GLIPR2: variants seen among roughly 807,000 people sequenced by gnomAD.
GLIPR2 encodes GLI pathogenesis related 2, also known as Golgi-associated plant pathogenesis-related protein 1.
In GLIPR2, 21 loss-of-function variants were observed where a neutral mutation model predicts 20.4. The ratio of observed to expected loss-of-function variants is 1.03; its 90% CI spans 0.73 to 1.48. GLIPR2 has a LOEUF of 1.48. Ranked by LOEUF, GLIPR2 falls within the 40% of genes most tolerant of loss-of-function variation. The pLI is 0.00. For synonymous variants in GLIPR2, 91 were observed against 80.5 expected (o/e 1.13, Z -0.70); for missense variants, 205 against 200.1 (o/e 1.02, Z -0.15).
chr9:36,162,292 C>G, intron 4 of GLIPR2, 70 bp from the exon 5 acceptor site: 1 of 1,600,270 alleles, frequency 6.2e-7, no homozygotes, highest in Non-Finnish European at 8.5e-7. Flanking sequence ...TTCAACAATC[C>G]CCTGCCACAT....
chr9:36,160,788 T>C (rs1489508236), intron 4 of GLIPR2, among the ~76,000 whole-genome samples: 1 of 152,192 alleles, frequency 6.6e-6, no homozygotes, highest in African/African-American at 2.4e-5. Flanking sequence ...ACGCCTGTAA[T>C]CTCAGCAGTT....
At chr9:36,145,290 A>T (rs1242845356) in intron 1 of GLIPR2, among the ~76,000 whole-genome samples, 1 of 152,168 alleles carries the variant, frequency 6.6e-6, no homozygotes, top group African/African-American at 2.4e-5. Context: ...CTGTTCAGAT[A>T]TTTCTGGGGC....
In GLIPR2 at chr9:36,149,357, C is replaced by T. The variant is rs1825482322; in HGVS notation, c.226+707C>T. Among the ~76,000 whole-genome samples the T allele has an allele frequency of 2.0e-5, 3 of 152,202 alleles. No individual in the cohort carries two copies. In the South Asian group the frequency reaches 6.2e-4, roughly 31 times the overall value. Reference sequence around the variant, plus strand: ...CCCCAGCCTCACATTCCTGGGAGATCCCCCAAGTCCTCTTGGTTTCCCCAG... The same window carrying T: ...CCCCAGCCTCACATTCCTGGGAGATTCCCCAAGTCCTCTTGGTTTCCCCAG... On this transcript the variant is annotated intron_variant, in intron 3 of 4. Transcript: ENST00000377960.
At chr9:36,139,335 C>T (rs1375077185) in intron 1 of GLIPR2, among the ~76,000 whole-genome samples, 2 of 152,036 alleles carry the variant, frequency 1.3e-5, no homozygotes, top group African/African-American at 4.8e-5. Context: ...ACCCAGGGAC[C>T]TTGCAGAATT....
In GLIPR2 at chr9:36,136,813, C is replaced by T; in HGVS notation, c.13+22C>T. The T allele has an allele frequency of 2.3e-6, 3 of 1,297,048 alleles. No homozygotes were observed. Among genetic ancestry groups the T allele is most frequent in the Non-Finnish European group, 2.9e-6 (3 of 1,025,692 alleles). 80.3% of individuals were successfully genotyped at this position (1,297,048 alleles called of 1,614,324 possible). ...TCAGGTGAGCCCGCGGGCTCGCCCG[C>T]TGCGGAATGGTTCGGAACCCCGCGC... On this transcript the variant is annotated intron_variant, in intron 1 of 4. Coordinates refer to ENST00000377960, the MANE Select transcript of GLIPR2 (RefSeq NM_022343.4). This position sits in a 1 kb window ranked among gnomAD's most constrained non-coding sequence, Gnocchi z 4.3.
chr9:36,162,179 G>GA (rs146193539), intron 4 of GLIPR2, 183 bp from the exon 5 acceptor site: 147,373 of 1,387,614 alleles, frequency 0.11, 6,126 homozygotes, highest in South Asian at 0.2. Context: ...CATCTTGGGG[G>GA]AAAAAAAAAG....
chr9:36,144,643 C>T (rs1301407823), intron 1 of GLIPR2: 1 of 152,490 alleles, frequency 6.6e-6, no homozygotes, highest in African/African-American at 2.4e-5. Context: ...TCCTGGGGTT[C>T]AGAGCCCCCA....
chr9:36,137,641 C>T (rs942633656), intron 1 of GLIPR2, among the ~76,000 whole-genome samples: 7 of 152,192 alleles, frequency 4.6e-5, no homozygotes, highest in Non-Finnish European at 1.5e-5. Context: ...TGTAGTGGGC[C>T]GGGGACAAGA....
chr9:36,143,812 C>G (rs1587132593), intron 1 of GLIPR2, among the ~76,000 whole-genome samples: 1 of 152,150 alleles, frequency 6.6e-6, no homozygotes, highest in East Asian at 1.9e-4. Flanking sequence ...GAGGTAGCTC[C>G]TTTTGGTCGC....
chr9:36,143,895 GC>G (rs1825203935), intron 1 of GLIPR2, among the ~76,000 whole-genome samples: 1 of 152,128 alleles, frequency 6.6e-6, no homozygotes, highest in Admixed American at 6.6e-5. Context: ...CTACCCACTG[GC>G]CCCAGCTTTC....
chr9:36,157,456 C>G (rs570450188), intron 4 of GLIPR2, among the ~76,000 whole-genome samples: 2 of 151,628 alleles, frequency 1.3e-5, no homozygotes, highest in East Asian at 3.9e-4. Flanking sequence ...AAGCGACTCT[C>G]CTGCCTCAGC....
intron 4 of GLIPR2, among the ~76,000 whole-genome samples, chr9:36,161,404 C>T (rs1010014579): frequency 1.3e-5 from 2 of 151,576 alleles, no homozygotes; most frequent in Non-Finnish European, 2.9e-5. Context: ...TGGAAATGTC[C>T]AGTAATTAGT....
At chr9:36,140,299 G>A (rs958247940) in intron 1 of GLIPR2, among the ~76,000 whole-genome samples, 3 of 152,192 alleles carry the variant, frequency 2.0e-5, no homozygotes, top group South Asian at 2.1e-4. Flanking sequence ...AGGGACCAAC[G>A]AGCCCAGGAG....
intron 4 of GLIPR2, among the ~76,000 whole-genome samples, chr9:36,152,866 T>C (rs1825655552): frequency 7.1e-6 from 1 of 140,770 alleles, no homozygotes; most frequent in African/African-American, 2.7e-5. Context: ...CCCAAAACTT[T>C]GGGAGGCCAA....
intron 4 of GLIPR2, among the ~76,000 whole-genome samples, chr9:36,155,096 A>G (rs1278518503): frequency 6.6e-6 from 1 of 152,254 alleles, no homozygotes; most frequent in East Asian, 1.9e-4. Flanking sequence ...ACCAGAGTTT[A>G]TTAAACAGCA....
chr9:36,138,115 C>A (rs1481592796), intron 1 of GLIPR2, among the ~76,000 whole-genome samples: 1 of 152,172 alleles, frequency 6.6e-6, no homozygotes, highest in Non-Finnish European at 1.5e-5. Context: ...GGTGATGGAG[C>A]AAAAGTATGG....
At position 36,136,806 on chromosome 9, in the gene GLIPR2, T is replaced by C; in HGVS notation, c.13+15T>C. On this transcript the variant is annotated intron_variant, in intron 1 of 4. Transcript: ENST00000377960. This position sits in a 1 kb window ranked among gnomAD's most constrained non-coding sequence, Gnocchi z 4.3. ...GGGCAAGTCAGGTGAGCCCGCGGGC[T>C]CGCCCGCTGCGGAATGGTTCGGAAC... The C allele has an allele frequency of 7.7e-7, 1 of 1,297,256 alleles. No homozygotes were observed. The highest frequency in any genetic ancestry group is 2.4e-5 in the South Asian group (1 of 42,468). The allele number at this position is 1,297,256 out of a possible 1,614,324, so 80.4% of individuals were successfully genotyped here. A position where few individuals can be genotyped will look rare whatever the true frequency, so the allele number is the denominator to read the frequency against.
intron 1 of GLIPR2, among the ~76,000 whole-genome samples, chr9:36,143,955 A>G (rs1437450583): frequency 6.6e-6 from 1 of 152,142 alleles, no homozygotes; most frequent in Non-Finnish European, 1.5e-5. Flanking sequence ...TGTCTTCCAG[A>G]GGCTGATCCT....
chr9:36,146,735 C>T (rs1010886735), intron 1 of GLIPR2, among the ~76,000 whole-genome samples: 1 of 152,216 alleles, frequency 6.6e-6, no homozygotes, highest in Non-Finnish European at 1.5e-5. Context: ...GAATAATCCT[C>T]TTTGATTCCC....
Sources: gnomAD v4.1 joint callset for allele counts (sites outside exome capture counted in the v4.1 genomes callset) on GRCh38, gnomAD v4.1.1 for gene constraint, Gnocchi (gnomAD v3.1) non-coding constraint, MANE v1.5 for transcripts, NCBI Gene and HGNC (gene_info 2026-07-23, HGNC 2026-07-21) for gene names.